Variants in DENND2B observed in about 807,000 individuals in gnomAD.
DENND2B encodes the protein DENN domain-containing protein 2B.
A neutral mutation model predicts 116.0 loss-of-function variants in DENND2B; 32 were observed. The ratio of observed to expected loss-of-function variants is 0.28; its 90% CI spans 0.21 to 0.37. DENND2B has a LOEUF of 0.37. Among genes scored for constraint, DENND2B ranks in the 10% least tolerant of loss-of-function variants. DENND2B has a pLI of 1.00. For missense variants in DENND2B, 1,276 were observed against 1,477.7 expected (o/e 0.86, Z 2.24); for synonymous variants, 588 against 583.9 (o/e 1.01, Z -0.10).
intron 1 of DENND2B, among the ~76,000 whole-genome samples, chr11:8,754,026 C>CGG (rs758619314): frequency 2.5e-5 from 2 of 79,814 alleles, no homozygotes; most frequent in African/African-American, 7.7e-5. Context: ...ACACCAAAAG[C>CGG]GCGCACACAC....
chr11:8,713,385 C>T (rs1257296652), intron 8 of DENND2B, among the ~76,000 whole-genome samples: 1 of 151,834 alleles, frequency 6.6e-6, no homozygotes, highest in Non-Finnish European at 1.5e-5. Flanking sequence ...TCCAGATCTA[C>T]AATTTTTTTT....
chr11:8,751,037 G>A (rs761337212), intron 1 of DENND2B, among the ~76,000 whole-genome samples: 79 of 151,052 alleles, frequency 5.2e-4, no homozygotes, highest in Non-Finnish European at 1.0e-3. Context: ...TGCACCAATC[G>A]GCACTCTGTA....
At chr11:8,828,160 C>T (rs191190326) in intron 4 of DENND2B, among the ~76,000 whole-genome samples, 2 of 152,294 alleles carry the variant, frequency 1.3e-5, no homozygotes, top group African/African-American at 4.8e-5. Context: ...GAGAGCTGTT[C>T]CTGCCTACAG....
At chr11:8,781,615 T>TACACACAC (rs35118063) in intron 1 of DENND2B, among the ~76,000 whole-genome samples, 1 of 148,914 alleles carries the variant, frequency 6.7e-6, no homozygotes, top group East Asian at 2.0e-4. Flanking sequence ...AATTTAGGAA[T>TACACACAC]ACACACACAC....
intron 2 of DENND2B, among the ~76,000 whole-genome samples, chr11:8,858,650 G>A (rs1256268422): frequency 2.0e-5 from 3 of 152,144 alleles, no homozygotes; most frequent in Non-Finnish European, 2.9e-5. Flanking sequence ...CCATATGAGG[G>A]TAAAAAATAT....
intron 1 of DENND2B, chr11:8,776,575 G>A: frequency 3.8e-6 from 1 of 264,558 alleles, no homozygotes; most frequent in South Asian, 4.2e-5. Context: ...GCCACTTGTA[G>A]GGGTAAGGTG....
intron 1 of DENND2B, among the ~76,000 whole-genome samples, chr11:8,801,286 T>C (rs1393646089): frequency 6.6e-6 from 1 of 152,032 alleles, no homozygotes; most frequent in African/African-American, 2.4e-5. Context: ...GGGACGCTTA[T>C]CACTGCTCTG....
chr11:8,735,942 C>G (rs2048947331), intron 2 of DENND2B, among the ~76,000 whole-genome samples: 1 of 152,206 alleles, frequency 6.6e-6, no homozygotes. Context: ...CCTAGTTCCT[C>G]AAACTGAGAC....
chr11:8,728,922 T>C (rs1238060987), intron 3 of DENND2B, among the ~76,000 whole-genome samples: 1 of 152,194 alleles, frequency 6.6e-6, no homozygotes, highest in Non-Finnish European at 1.5e-5. Flanking sequence ...CAAACACTCT[T>C]GGCAGGCCGT....
At chr11:8,890,707 A>G (rs983936884) in intron 1 of DENND2B, among the ~76,000 whole-genome samples, 8 of 152,316 alleles carry the variant, frequency 5.3e-5, no homozygotes, top group Non-Finnish European at 7.4e-5. Context: ...AGTAAAAAGA[A>G]ATGAACAAAG....
chr11:8,731,910 C>A (rs1475550066), intron 2 of DENND2B, among the ~76,000 whole-genome samples: 1 of 152,176 alleles, frequency 6.6e-6, no homozygotes, highest in Non-Finnish European at 1.5e-5. Flanking sequence ...ACACTACTCC[C>A]TGAAGTGGCC....
chr11:8,820,901 C>A (rs964667328), intron 4 of DENND2B, among the ~76,000 whole-genome samples: 1 of 152,080 alleles, frequency 6.6e-6, no homozygotes, highest in Non-Finnish European at 1.5e-5. Context: ...GTAGGTGGAT[C>A]ACTTGAGGTC....
Position 8,699,366 on chromosome 11 carries a change from C to A in DENND2B, c.2745G>T (p.Ala915=). Residue 915 remains alanine, a synonymous_variant, in exon 15 of 20, where the codon GCG becomes GCT. Transcript: ENST00000313726. ...KLSTLSSCSH[A]VVALLYPFSW... ...AGAAGGGGTAGAGCAAGGCCACCAC[C>A]GCGTGGGAGCAGCTGGAGAGGGTAC... 6.2e-7 allele frequency: 1 copy of A among 1,604,794 alleles called. No individual in the cohort carries two copies. Among genetic ancestry groups the A allele is most frequent in the Non-Finnish European group, 8.5e-7 (1 of 1,177,720 alleles).
chr11:8,781,654 G>A (rs994125439), intron 1 of DENND2B, among the ~76,000 whole-genome samples: 24 of 151,182 alleles, frequency 1.6e-4, no homozygotes, highest in African/African-American at 5.1e-4. Context: ...AACCTCACAA[G>A]GATAACCTAT....
chr11:8,805,745 A>C (rs2134451557), intron 1 of DENND2B, among the ~76,000 whole-genome samples: 1 of 152,294 alleles, frequency 6.6e-6, no homozygotes, highest in East Asian at 1.9e-4. Context: ...AGTGGGGGAG[A>C]GAGGGGAAGA....
chr11:8,805,268 C>T (rs545811386), intron 1 of DENND2B, among the ~76,000 whole-genome samples: 40 of 152,302 alleles, frequency 2.6e-4, no homozygotes, highest in African/African-American at 8.9e-4. Flanking sequence ...CAGCACCACG[C>T]ACTCACTGAG....
chr11:8,830,002 C>T (rs1180170824), intron 4 of DENND2B, among the ~76,000 whole-genome samples: 1 of 152,202 alleles, frequency 6.6e-6, no homozygotes, highest in Non-Finnish European at 1.5e-5. Context: ...GCCTCATCTA[C>T]TCTGGAATAT....
chr11:8,861,140 A>C (rs2063377014), intron 2 of DENND2B, among the ~76,000 whole-genome samples: 1 of 152,192 alleles, frequency 6.6e-6, no homozygotes, highest in Non-Finnish European at 1.5e-5. Context: ...AGAATTTATG[A>C]CTAAGACCCC....
At chr11:8,895,406 A>T (rs2742528) in intron 1 of DENND2B, 136,643 of 152,226 alleles carry the variant, frequency 0.9, 63,131 homozygotes, top group East Asian at 1. Flanking sequence ...AAAAAATTTT[A>T]AAAAAAATGG....
Sources: allele counts gnomAD v4.1 joint callset (sites outside exome capture counted in the v4.1 genomes callset), GRCh38; gene constraint gnomAD v4.1.1; transcripts MANE v1.5; gene names NCBI Gene and HGNC (gene_info 2026-07-23, HGNC 2026-07-21).